The following MYO5A variants were observed in gnomAD, a reference collection of about 807,000 sequenced individuals.
MYO5A encodes unconventional myosin-Va.
Under a neutral mutation model 249.7 loss-of-function variants are expected in MYO5A, and 98 were observed. The observed-to-expected ratio is 0.39, with a 90% CI of 0.33 to 0.46. MYO5A has a LOEUF of 0.46. MYO5A is among the 20% of genes least tolerant of loss of function. The pLI, the probability that MYO5A is intolerant of heterozygous loss-of-function variation, is 0.98. For missense variants in MYO5A, 1,696 were observed against 2,308.8 expected (o/e 0.73, Z 5.44); for synonymous variants, 778 against 810.6 (o/e 0.96, Z 0.68).
chr15:52,503,073 A>G (rs775200732), intron 1 of MYO5A, among the ~76,000 whole-genome samples: 10 of 152,220 alleles, frequency 6.6e-5, no homozygotes, highest in Non-Finnish European at 1.2e-4. Flanking sequence ...ATGGGCACAA[A>G]TATTAATATA....
chr15:52,351,113 A>T (rs2039926804), intron 28 of MYO5A, 141 bp downstream of exon 28: 1 of 786,158 alleles, frequency 1.3e-6, no homozygotes. Flanking sequence ...CAACACTGGG[A>T]TTTTTTTAAA....
At chr15:52,509,558 A>C (rs1022369370) in intron 1 of MYO5A, among the ~76,000 whole-genome samples, 2 of 152,252 alleles carry the variant, frequency 1.3e-5, no homozygotes, top group African/African-American at 4.8e-5. Flanking sequence ...CCTGGCAGAC[A>C]ACCCCACCTG....
intron 23 of MYO5A, among the ~76,000 whole-genome samples, chr15:52,365,953 C>T (rs1166712502): frequency 6.6e-6 from 1 of 152,302 alleles, no homozygotes; most frequent in South Asian, 2.1e-4. Context: ...TTTTCTCCTT[C>T]ACCTCTTAAT....
In MYO5A at chr15:52,340,684, C is replaced by T. The variant is rs577860941; in HGVS notation, c.4041-290G>A. On this transcript the variant is annotated intron_variant, in intron 31 of 41. Coordinates refer to ENST00000399233, the MANE Select transcript of MYO5A (RefSeq NM_001382347.1). The stretch of plus-strand genomic sequence containing the variant: ...ATAGGAGGCCGGGTGTGGTGGCTCA[C>T]GCCTGTAATCTCAGCACTTTGGGAG... Among the ~76,000 whole-genome samples the T allele has an allele frequency of 4.8e-4, 73 of 152,228 alleles. 2 individuals carry two copies. The highest frequency in any genetic ancestry group is 4.8e-3 in the South Asian group (23 of 4,820).
At chr15:52,396,460 C>G in intron 10 of MYO5A, 63 bp from the exon 11 acceptor site, 1 of 910,630 alleles carries the variant, frequency 1.1e-6, no homozygotes, top group Non-Finnish European at 1.8e-6. Flanking sequence ...TAAAAATATT[C>G]AAAATATACA....
At chr15:52,476,681 G>C (rs1237585536) in intron 1 of MYO5A, among the ~76,000 whole-genome samples, 3 of 152,144 alleles carry the variant, frequency 2.0e-5, no homozygotes, top group Non-Finnish European at 4.4e-5. Context: ...TGAAATTCTA[G>C]CTTGAAAATT....
At chr15:52,482,139 C>A (rs962659948) in intron 1 of MYO5A, among the ~76,000 whole-genome samples, 1 of 152,130 alleles carries the variant, frequency 6.6e-6, no homozygotes, top group Non-Finnish European at 1.5e-5. Flanking sequence ...AAAGATCATA[C>A]GGAGAAAGAT....
In MYO5A at chr15:52,314,304, G is replaced by A. The variant is rs1346879714; in HGVS notation, c.5410-101C>T. ...AAAGGATCTGTGCGTACAGATTTCA[G>A]TTCTACTCAGGGGTGGGCTGGGACC... On this transcript the variant is annotated intron_variant, in intron 40 of 41. Coordinates refer to ENST00000399233, the MANE Select transcript of MYO5A (RefSeq NM_001382347.1). The A allele has an allele frequency of 4.6e-6, 4 of 864,266 alleles. No homozygotes were observed. The Admixed American group carries it at 5.7e-5, about 12-fold the overall frequency. 53.5% of individuals were successfully genotyped at this position (864,266 alleles called of 1,614,324 possible).
intron 30 of MYO5A, among the ~76,000 whole-genome samples, chr15:52,345,368 G>A: frequency 6.6e-6 from 1 of 152,092 alleles, no homozygotes; most frequent in East Asian, 1.9e-4. Flanking sequence ...GATCACCTGA[G>A]GCCTGGAGCT....
In MYO5A at chr15:52,510,206, T is replaced by C. The variant is rs2077361879; in HGVS notation, c.27+18574A>G. ...ACTCAAATCTACGCAATTTCAAACTTAGAAAACTTTAACTGCTGCCCCACT... is the reference window on the plus strand; with the variant it reads ...ACTCAAATCTACGCAATTTCAAACTCAGAAAACTTTAACTGCTGCCCCACT... On this transcript the variant is annotated intron_variant, in intron 1 of 41. Transcript: ENST00000399233. 2.0e-5 allele frequency among the ~76,000 whole-genome samples: 3 copies of C among 152,176 alleles called. No individual in the cohort carries two copies. The South Asian group carries it at 6.2e-4, about 31-fold the overall frequency.
At chr15:52,377,052 T>C (rs966104657) in intron 18 of MYO5A, among the ~76,000 whole-genome samples, 15 of 152,112 alleles carry the variant, frequency 9.9e-5, no homozygotes, top group Non-Finnish European at 1.6e-4. Flanking sequence ...TATTGAGTTA[T>C]GTTTCTAAAC....
At chr15:52,339,258 A>G (rs1427306709) in intron 32 of MYO5A, among the ~76,000 whole-genome samples, 1 of 152,216 alleles carries the variant, frequency 6.6e-6, no homozygotes, top group Non-Finnish European at 1.5e-5. Flanking sequence ...GATAATTCAG[A>G]TTGTTAAATC....
intron 1 of MYO5A, among the ~76,000 whole-genome samples, chr15:52,490,508 T>C (rs923294078): frequency 3.9e-5 from 6 of 152,140 alleles, no homozygotes; most frequent in Non-Finnish European, 1.5e-5. Flanking sequence ...CATTACGCCA[T>C]ATGAAATAAG....
chr15:52,373,025 G>A (rs1045907469), intron 20 of MYO5A, among the ~76,000 whole-genome samples: 73 of 151,824 alleles, frequency 4.8e-4, no homozygotes, highest in African/African-American at 1.7e-3. Context: ...CCATTCTAGT[G>A]AGGATTTTCC....
intron 14 of MYO5A, among the ~76,000 whole-genome samples, chr15:52,385,628 AG>A (rs2041942992): frequency 1.4e-5 from 2 of 147,956 alleles, no homozygotes; most frequent in South Asian, 2.2e-4. Flanking sequence ...GGAAAAAAAA[AG>A]ACAAAACACA....
chr15:52,375,529 C>CTTT (rs2041365291), intron 19 of MYO5A, 69 bp from the exon 20 acceptor site: 1 of 1,537,610 alleles, frequency 6.5e-7, no homozygotes, highest in East Asian at 2.3e-5. Context: ...ATTAGAGAAA[C>CTTT]TTAAAGAGTG....
At chr15:52,345,645 A>G (rs2039586187) in intron 30 of MYO5A, among the ~76,000 whole-genome samples, 1 of 152,128 alleles carries the variant, frequency 6.6e-6, no homozygotes, top group Non-Finnish European at 1.5e-5. Context: ...CATGTTCAGT[A>G]CAAATGTAAT....
intron 12 of MYO5A, 146 bp from the exon 13 acceptor site, chr15:52,389,509 C>A: frequency 1.3e-6 from 1 of 799,616 alleles, no homozygotes; most frequent in Non-Finnish European, 1.9e-6. Context: ...ATTCCTTCCA[C>A]ATTTCATTGT....
intron 9 of MYO5A, among the ~76,000 whole-genome samples, chr15:52,404,218 T>C (rs1164556064): frequency 7.0e-6 from 1 of 143,290 alleles, no homozygotes; most frequent in East Asian, 2.0e-4. Flanking sequence ...TGAGCCGAGA[T>C]TGCATGCCTT....
Sources: allele counts gnomAD v4.1 joint callset (sites outside exome capture counted in the v4.1 genomes callset), GRCh38; gene constraint gnomAD v4.1.1; transcripts MANE v1.5; gene names NCBI Gene and HGNC (gene_info 2026-07-23, HGNC 2026-07-21).